The following GRIK1 variants were observed in gnomAD, a reference collection of about 807,000 sequenced individuals.
GRIK1 encodes glutamate ionotropic receptor kainate type subunit 1.
Under a neutral mutation model 105.7 loss-of-function variants are expected in GRIK1, and 69 were observed. The observed-to-expected ratio is 0.65, with a 90% CI of 0.54 to 0.80. The LOEUF (loss-of-function observed/expected upper bound fraction) is 0.80, where lower values mean the gene tolerates loss of function less well. GRIK1 is among the 30% of genes least tolerant of loss of function. The pLI is 0.00. For synonymous variants in GRIK1, 438 were observed against 431.3 expected, an observed-to-expected ratio of 1.02 and a Z score of -0.19; for missense variants, 1,109 against 1,167.3, an observed-to-expected ratio of 0.95 and a Z score of 0.73.
At chr21:29,913,908 G>A (rs1602031485) in intron 1 of GRIK1, among the ~76,000 whole-genome samples, 1 of 151,740 alleles carries the variant, frequency 6.6e-6, no homozygotes, top group Non-Finnish European at 1.5e-5. Context: ...CAGTACTTAG[G>A]ATATACACTA....
intron 1 of GRIK1, among the ~76,000 whole-genome samples, chr21:29,767,526 A>T (rs893593818): frequency 6.6e-6 from 1 of 152,048 alleles, no homozygotes. Context: ...AAAAAAAAAA[A>T]GAACTGCAAT....
chr21:29,856,124 A>C (rs973809837), intron 1 of GRIK1, among the ~76,000 whole-genome samples: 5 of 152,130 alleles, frequency 3.3e-5, no homozygotes, highest in Admixed American at 2.0e-4. Context: ...TTGTGGATTG[A>C]AAGTCAGCCC....
chr21:29,583,592 C>G (rs779960227), intron 12 of GRIK1, among the ~76,000 whole-genome samples: 1 of 152,180 alleles, frequency 6.6e-6, no homozygotes, highest in African/African-American at 2.4e-5. Flanking sequence ...TTGTTTCATA[C>G]TTTGCACTTA....
chr21:29,560,400 C>CCTTCCTTTCTTTCTTTCTTTCTTT lies in GRIK1; in HGVS notation c.2356+1223_2356+1224insAAAGAAAGAAAGAAAGAAAGGAAG, dbSNP rs1491373479. Among the ~76,000 whole-genome samples the CCTTCCTTTCTTTCTTTCTTTCTTT allele has an allele frequency of 3.6e-4, 24 of 67,114 alleles. 2 individuals carry two copies. The highest frequency in any genetic ancestry group is 1.0e-3 in the African/African-American group (11 of 10,776). The allele number at this position is 67,114 out of a possible 152,430, so 44.0% of individuals were successfully genotyped here. A position where few individuals can be genotyped will look rare whatever the true frequency, so the allele number is the denominator to read the frequency against. On this transcript the variant is annotated intron_variant, in intron 15 of 17. Coordinates refer to ENST00000327783, the MANE Select transcript of GRIK1 (RefSeq NM_001330994.2). Reference sequence around the variant, plus strand: ...TCCTTCCTTCCTTCCTTCCTTCCTTCCTTTCTTTCTTTCTTTCTTTCTTTC... The same window carrying CCTTCCTTTCTTTCTTTCTTTCTTT: ...TCCTTCCTTCCTTCCTTCCTTCCTTCCTTCCTTTCTTTCTTTCTTTCTTTCTTTCTTTCTTTCTTTCTTTCTTTC...
chr21:29,926,243 C>T (rs757502586), intron 1 of GRIK1, among the ~76,000 whole-genome samples: 7 of 152,138 alleles, frequency 4.6e-5, no homozygotes, highest in East Asian at 1.9e-4. Flanking sequence ...GCCTCACCTC[C>T]GTTTCACATG....
intron 1 of GRIK1, among the ~76,000 whole-genome samples, chr21:29,772,503 C>T (rs1308637035): frequency 6.6e-6 from 1 of 152,110 alleles, no homozygotes; most frequent in African/African-American, 2.4e-5. Context: ...TTTTAAACTA[C>T]AAAGACATAG....
chr21:29,893,809 C>T (rs1333455872), intron 1 of GRIK1, among the ~76,000 whole-genome samples: 1 of 152,132 alleles, frequency 6.6e-6, no homozygotes, highest in Non-Finnish European at 1.5e-5. Flanking sequence ...ATGGAGGTTG[C>T]CCCATCTCTC....
chr21:29,874,239 T>A (rs1212283492), intron 1 of GRIK1, among the ~76,000 whole-genome samples: 1 of 152,140 alleles, frequency 6.6e-6, no homozygotes, highest in African/African-American at 2.4e-5. Flanking sequence ...GAAGTGGCCA[T>A]GTTAAATGTT....
intron 1 of GRIK1, among the ~76,000 whole-genome samples, chr21:29,806,351 CA>C (rs1268124812): frequency 6.6e-6 from 1 of 151,744 alleles, no homozygotes; most frequent in Admixed American, 6.6e-5. Context: ...AATTAAGTTA[CA>C]AAGCTTTTTT....
chr21:29,921,187 A>G (rs1432500424), intron 1 of GRIK1, among the ~76,000 whole-genome samples: 1 of 146,460 alleles, frequency 6.8e-6, no homozygotes, highest in Non-Finnish European at 1.5e-5. Flanking sequence ...GTCCTCAGAC[A>G]TTGCCAAATG....
chr21:29,746,215 T>C (rs1601588331), intron 1 of GRIK1, among the ~76,000 whole-genome samples: 3 of 152,220 alleles, frequency 2.0e-5, no homozygotes, highest in Non-Finnish European at 4.4e-5. Context: ...GGTTGCATGG[T>C]TAATTTTAAC....
At chr21:29,705,606 T>TAC (rs967073773) in intron 1 of GRIK1, among the ~76,000 whole-genome samples, 1 of 152,346 alleles carries the variant, frequency 6.6e-6, no homozygotes, top group South Asian at 2.1e-4. Context: ...AATGAAAAGT[T>TAC]AGACATCAGG....
chr21:29,765,954 C>T (rs925919837), intron 1 of GRIK1, among the ~76,000 whole-genome samples: 2 of 151,998 alleles, frequency 1.3e-5, no homozygotes, highest in Non-Finnish European at 2.9e-5. Flanking sequence ...CGGGTTCACG[C>T]CATTCTCCTG....
At chr21:29,541,256 G>T (rs1042194644) in intron 16 of GRIK1, among the ~76,000 whole-genome samples, 7 of 152,188 alleles carry the variant, frequency 4.6e-5, no homozygotes, top group Admixed American at 4.6e-4. Flanking sequence ...GTAAGCCACC[G>T]TGTCCGGCCT....
intron 16 of GRIK1, among the ~76,000 whole-genome samples, chr21:29,545,527 A>G (rs371473133): frequency 6.6e-6 from 1 of 152,250 alleles, no homozygotes; most frequent in East Asian, 1.9e-4. Flanking sequence ...GGGCCATAAA[A>G]TAAACTTCCA....
chr21:29,923,050 T>C (rs2071241549), intron 1 of GRIK1, among the ~76,000 whole-genome samples: 1 of 152,196 alleles, frequency 6.6e-6, no homozygotes, highest in Non-Finnish European at 1.5e-5. Flanking sequence ...TTTATGTGTA[T>C]GTGTATGTGT....
intron 1 of GRIK1, among the ~76,000 whole-genome samples, chr21:29,871,902 A>G (rs1464188140): frequency 1.3e-5 from 2 of 150,880 alleles, no homozygotes; most frequent in Non-Finnish European, 3.0e-5. Context: ...TAGCTGGGAC[A>G]ACAGGCATGC....
intron 1 of GRIK1, among the ~76,000 whole-genome samples, chr21:29,932,611 G>A (rs2071606179): frequency 6.6e-6 from 1 of 151,372 alleles, no homozygotes; most frequent in African/African-American, 2.4e-5. Context: ...AAATTACTTG[G>A]AAAAATAGTG....
In GRIK1 at chr21:29,939,743, T is replaced by G; in HGVS notation, c.-243A>C. On this transcript the variant is annotated 5_prime_UTR_variant, in exon 1 of 18. Transcript: ENST00000327783. ...CCCATCACGGCTCCTCCTCCTCCTC[T>G]TCCATGGGCCGCAGACCGCGGAGGA... 2.7e-6 allele frequency: 1 copy of G among 376,276 alleles called. No homozygotes were observed. Among genetic ancestry groups the G allele is most frequent in the Non-Finnish European group, 4.7e-6 (1 of 211,354 alleles). 23.3% of individuals were successfully genotyped at this position (376,276 alleles called of 1,614,324 possible). A position where few individuals can be genotyped will look rare whatever the true frequency, so the allele number is the denominator to read the frequency against.
Sources: gnomAD v4.1 joint callset for allele counts (sites outside exome capture counted in the v4.1 genomes callset) on GRCh38, gnomAD v4.1.1 for gene constraint, MANE v1.5 for transcripts, NCBI Gene and HGNC (gene_info 2026-07-23, HGNC 2026-07-21) for gene names.